The following SLC10A6 variants were observed in gnomAD, a reference collection of about 807,000 sequenced individuals.
SLC10A6 encodes the protein solute carrier family 10 member 6, also known as sodium-dependent organic anion transporter.
SLC10A6 carries 27 observed loss-of-function variants against 30.0 expected under a neutral mutation model. The observed-to-expected ratio is 0.90, with a 90% CI of 0.66 to 1.24. The LOEUF is 1.24. SLC10A6 is among the 50% of genes most tolerant of loss of function. SLC10A6 has a pLI of 0.00. For synonymous variants in SLC10A6, 166 were observed against 173.8 expected (o/e 0.95, Z 0.36); for missense variants, 439 against 457.0 (o/e 0.96, Z 0.36).
At chr4:86,835,574 G>A (rs1314446424) in intron 1 of SLC10A6, among the ~76,000 whole-genome samples, 2 of 152,090 alleles carry the variant, frequency 1.3e-5, no homozygotes, top group East Asian at 1.9e-4. Context: ...GGCTAAGGCA[G>A]GAGAATCACT....
At chr4:86,839,339 T>C (rs1026829714) in intron 1 of SLC10A6, among the ~76,000 whole-genome samples, 5 of 151,380 alleles carry the variant, frequency 3.3e-5, no homozygotes, top group African/African-American at 4.9e-5. Flanking sequence ...TAGTCCCAGC[T>C]ACTCGGGAGG....
At chr4:86,830,064 A>T (rs1746053816) in intron 3 of SLC10A6, among the ~76,000 whole-genome samples, 1 of 152,184 alleles carries the variant, frequency 6.6e-6, no homozygotes, top group Admixed American at 6.5e-5. Flanking sequence ...CATAACTACC[A>T]CACTGGAAAT....
chr4:86,825,280 T>A, intron 5 of SLC10A6, 140 bp downstream of exon 5: 1 of 699,648 alleles, frequency 1.4e-6, no homozygotes, highest in East Asian at 2.6e-5. Context: ...TCTATGTGCC[T>A]TATCGTCCCC....
intron 4 of SLC10A6, among the ~76,000 whole-genome samples, chr4:86,827,461 T>C (rs1389982304): frequency 2.0e-5 from 3 of 152,214 alleles, no homozygotes; most frequent in African/African-American, 7.2e-5. Flanking sequence ...CCAAGTGGAT[T>C]AGAAGTAGCA....
At chr4:86,846,190 C>A (rs371643358) in intron 1 of SLC10A6, among the ~76,000 whole-genome samples, 1 of 152,254 alleles carries the variant, frequency 6.6e-6, no homozygotes, top group East Asian at 1.9e-4. Context: ...TCACACCGTA[C>A]TTGATTTTCA....
At chr4:86,843,937 G>T (rs2149413924) in intron 1 of SLC10A6, among the ~76,000 whole-genome samples, 1 of 152,222 alleles carries the variant, frequency 6.6e-6, no homozygotes, top group African/African-American at 2.4e-5. Context: ...CCAGCACTTT[G>T]GGAGGCTGAG....
intron 4 of SLC10A6, among the ~76,000 whole-genome samples, chr4:86,826,439 C>A (rs553485962): frequency 6.6e-6 from 1 of 151,822 alleles, no homozygotes; most frequent in Non-Finnish European, 1.5e-5. Context: ...ATTAGCCTGG[C>A]GTGGTGGCAC....
intron 1 of SLC10A6, among the ~76,000 whole-genome samples, chr4:86,840,528 C>T (rs1258111321): frequency 1.3e-5 from 2 of 151,942 alleles, no homozygotes; most frequent in Non-Finnish European, 2.9e-5. Context: ...CTACTTTTTA[C>T]TTTTATGCTT....
intron 1 of SLC10A6, among the ~76,000 whole-genome samples, chr4:86,846,790 C>T (rs765791402): frequency 5.3e-5 from 8 of 151,982 alleles, no homozygotes; most frequent in Non-Finnish European, 1.0e-4. Flanking sequence ...CATATATATA[C>T]AGTCTTGTGA....
intron 3 of SLC10A6, 55 bp downstream of exon 3, chr4:86,831,737 T>C: frequency 6.9e-7 from 1 of 1,449,176 alleles, no homozygotes; most frequent in East Asian, 2.4e-5. Context: ...CTCACTTCTG[T>C]CTTTCAGGCC....
At chr4:86,841,330 C>T (rs979066828) in intron 1 of SLC10A6, among the ~76,000 whole-genome samples, 1 of 152,200 alleles carries the variant, frequency 6.6e-6, no homozygotes, top group African/African-American at 2.4e-5. Flanking sequence ...AAGAGGTTAT[C>T]CTGGTGCTCT....
chr4:86,838,316 C>T (rs1302445622), intron 1 of SLC10A6, among the ~76,000 whole-genome samples: 3 of 152,186 alleles, frequency 2.0e-5, no homozygotes, highest in African/African-American at 7.2e-5. Flanking sequence ...ACTTATGTAC[C>T]TGTCCATCTG....
intron 3 of SLC10A6, 75 bp from the exon 4 acceptor site, chr4:86,828,243 TAAA>T (rs1167586056): frequency 6.8e-7 from 1 of 1,468,914 alleles, no homozygotes; most frequent in Admixed American, 2.3e-5. Flanking sequence ...ATCAAGGTTG[TAAA>T]ATGCTTGGGA....
intron 1 of SLC10A6, among the ~76,000 whole-genome samples, chr4:86,841,500 A>C (rs1192422663): frequency 2.0e-5 from 3 of 152,162 alleles, no homozygotes; most frequent in African/African-American, 4.8e-5. Context: ...GTATAGGAAA[A>C]TTTTTGGCAA....
intron 1 of SLC10A6, among the ~76,000 whole-genome samples, chr4:86,842,874 C>CTTTTTTT (rs1170640534): frequency 1.4e-4 from 6 of 42,792 alleles, no homozygotes; most frequent in African/African-American, 2.4e-4. Flanking sequence ...TTCTTTCTTT[C>CTTTTTTT]TTTTTTTTTT....
intron 3 of SLC10A6, among the ~76,000 whole-genome samples, chr4:86,828,747 C>T (rs1284855462): frequency 6.6e-6 from 1 of 152,238 alleles, no homozygotes; most frequent in East Asian, 1.9e-4. Flanking sequence ...TCTATCCTCT[C>T]CCAAATGGAT....
At chr4:86,826,206 C>A (rs1474293303) in intron 4 of SLC10A6, among the ~76,000 whole-genome samples, 1 of 152,006 alleles carries the variant, frequency 6.6e-6, no homozygotes, top group East Asian at 1.9e-4. Context: ...CAGAGTAAGA[C>A]CCTGTCTCTA....
At chr4:86,831,755 C>G in intron 3 of SLC10A6, 37 bp downstream of exon 3, 1 of 1,556,198 alleles carries the variant, frequency 6.4e-7, no homozygotes, top group Non-Finnish European at 8.8e-7. Context: ...GCCCCTGAGT[C>G]TGAGGACGTG....
intron 1 of SLC10A6, among the ~76,000 whole-genome samples, chr4:86,835,677 A>G (rs1464786096): frequency 2.0e-5 from 3 of 152,052 alleles, no homozygotes; most frequent in Non-Finnish European, 2.9e-5. Context: ...AAAAAAAAAG[A>G]AAGACAGAAA....
Sources: allele counts gnomAD v4.1 joint callset (sites outside exome capture counted in the v4.1 genomes callset), GRCh38; gene constraint gnomAD v4.1.1; transcripts MANE v1.5; gene names NCBI Gene and HGNC (gene_info 2026-07-23, HGNC 2026-07-21).